DOCK4: variants seen among roughly 807,000 people sequenced by gnomAD.
The protein encoded by DOCK4 is dedicator of cytokinesis 4.
In DOCK4, 97 loss-of-function variants were observed where a neutral mutation model predicts 268.1. The ratio of observed to expected loss-of-function variants is 0.36; its 90% confidence interval spans 0.31 to 0.43. DOCK4 has a LOEUF of 0.43. Ranked by LOEUF, DOCK4 falls within the 20% of genes least tolerant of loss-of-function variation. The probability of loss-of-function intolerance (pLI) is 1.00; values close to 1 mark genes in which losing one functional copy is unlikely to be tolerated. For missense variants in DOCK4, 2,145 were observed against 2,455.7 expected (o/e 0.87, Z 2.67); for synonymous variants, 954 against 887.2 (o/e 1.08, Z -1.34).
chr7:112,028,821 C>T (rs915394440), intron 1 of DOCK4, among the ~76,000 whole-genome samples: 4 of 152,190 alleles, frequency 2.6e-5, no homozygotes, highest in East Asian at 1.9e-4. Flanking sequence ...GTCCATTTCT[C>T]TCTCAGCGTT....
intron 8 of DOCK4, among the ~76,000 whole-genome samples, chr7:111,951,636 C>T (rs1320051989): frequency 6.8e-6 from 1 of 147,830 alleles, no homozygotes; most frequent in Non-Finnish European, 1.5e-5. Context: ...TATTGGAAAC[C>T]CCATCGCTAC....
In DOCK4 at chr7:111,999,770, GAATTA is replaced by G. The variant is rs1356370214; in HGVS notation, c.162+719_162+723del. Among the ~76,000 whole-genome samples the G allele has an allele frequency of 6.5e-5, 8 of 122,792 alleles. No individual in the cohort carries two copies. In the East Asian group the frequency reaches 2.2e-3, roughly 33 times the overall value. The allele number at this position is 122,792 out of a possible 152,430, so 80.6% of individuals were successfully genotyped here. Reference sequence around the variant, plus strand: ...TTTCTTATCTACAATCCCAAAGCTAGAATTAAACCAAAAAAAAAAATGACATATAT... The same window carrying G: ...TTTCTTATCTACAATCCCAAAGCTAGAACCAAAAAAAAAAATGACATATAT... On this transcript the variant is annotated intron_variant, in intron 3 of 52. Transcript: ENST00000428084.
intron 1 of DOCK4, among the ~76,000 whole-genome samples, chr7:112,140,218 C>T (rs1814771717): frequency 6.6e-6 from 1 of 152,062 alleles, no homozygotes; most frequent in Admixed American, 6.6e-5. Context: ...AATAACAAAC[C>T]AACTAACACA....
chr7:111,941,157 G>A (rs1041062560), intron 10 of DOCK4, among the ~76,000 whole-genome samples: 2 of 152,140 alleles, frequency 1.3e-5, no homozygotes, highest in African/African-American at 2.4e-5. Context: ...AACACAGCCC[G>A]AAAACCTCTT....
In DOCK4 at chr7:111,878,590, C is replaced by T. The variant is rs1807110169; in HGVS notation, c.1588-1404G>A. On this transcript the variant is annotated intron_variant, in intron 16 of 52. Coordinates refer to ENST00000428084, the MANE Select transcript of DOCK4 (RefSeq NM_001363540.2). ...CAGTTCTGAATCTCCAACGTCCTCT[C>T]CCATCTCCCACCCCTCCCCCATCCC... 2.0e-5 allele frequency among the ~76,000 whole-genome samples: 3 copies of T among 152,302 alleles called. No individual in the cohort carries two copies. In the South Asian group the frequency reaches 6.2e-4, roughly 32 times the overall value.
intron 16 of DOCK4, among the ~76,000 whole-genome samples, chr7:111,880,190 A>G (rs757196412): frequency 2.6e-5 from 4 of 152,230 alleles, no homozygotes; most frequent in Non-Finnish European, 5.9e-5. Flanking sequence ...CAGCAAAAGA[A>G]AAGAAACAAG....
At chr7:112,070,357 C>G (rs1807473901) in intron 1 of DOCK4, among the ~76,000 whole-genome samples, 1 of 152,064 alleles carries the variant, frequency 6.6e-6, no homozygotes, top group Non-Finnish European at 1.5e-5. Flanking sequence ...ATGCCATTCA[C>G]TGAGAGTAAC....
Position 112,193,538 on chromosome 7 carries a change from G to A in DOCK4, c.37+12564C>T, listed in dbSNP as rs142760117. 5.7e-3 allele frequency among the ~76,000 whole-genome samples: 858 copies of A among 151,212 alleles called. 8 individuals are homozygous for A. Among genetic ancestry groups the A allele is most frequent in the Admixed American group, 0.015 (223 of 15,084 alleles). ...CACTTCAGCCTGAGAGATCAAGGCT[G>A]CAGTGAGCCATGATCACACCACTGC... On this transcript the variant is annotated intron_variant, in intron 1 of 52. Coordinates refer to ENST00000428084, the MANE Select transcript of DOCK4 (RefSeq NM_001363540.2).
intron 2 of DOCK4, among the ~76,000 whole-genome samples, chr7:112,001,363 C>G (rs1317122681): frequency 2.6e-5 from 4 of 152,148 alleles, no homozygotes; most frequent in Non-Finnish European, 5.9e-5. Flanking sequence ...CAGTTCCACC[C>G]AGGACATGAA....
At chr7:112,136,615 A>G (rs1161620571) in intron 1 of DOCK4, among the ~76,000 whole-genome samples, 1 of 152,216 alleles carries the variant, frequency 6.6e-6, no homozygotes, top group African/African-American at 2.4e-5. Flanking sequence ...CTGGAGTTCA[A>G]GGTCAAATGT....
Position 111,975,024 on chromosome 7 carries a change from TGGGAGGCCAA to T in DOCK4, c.701+2098_701+2107del, listed in dbSNP as rs113249137. Among the ~76,000 whole-genome samples, 601 of 152,292 alleles carry T rather than the reference TGGGAGGCCAA, an allele frequency of 3.9e-3. 5 individuals carry two copies. The highest frequency in any genetic ancestry group is 0.014 in the African/African-American group (570 of 41,570). On this transcript the variant is annotated intron_variant, in intron 8 of 52. Coordinates refer to ENST00000428084, the MANE Select transcript of DOCK4 (RefSeq NM_001363540.2). ...CTCATGCCTATAATCCCCAGCACTTTGGGAGGCCAAGGCGGGGGGATCACTTGAGGCCAGG... is the reference window on the plus strand; with the variant it reads ...CTCATGCCTATAATCCCCAGCACTTTGGCGGGGGGATCACTTGAGGCCAGG...
intron 38 of DOCK4, among the ~76,000 whole-genome samples, chr7:111,766,019 T>C (rs1431688419): frequency 6.6e-6 from 1 of 152,172 alleles, no homozygotes; most frequent in African/African-American, 2.4e-5. Context: ...CCAAGGGCTC[T>C]CACAAGTAAA....
intron 1 of DOCK4, among the ~76,000 whole-genome samples, chr7:112,013,596 T>C (rs1425715991): frequency 6.6e-6 from 1 of 152,226 alleles, no homozygotes; most frequent in South Asian, 2.1e-4. Flanking sequence ...CCACTTGACA[T>C]GTGGGCCTCT....
intron 12 of DOCK4, among the ~76,000 whole-genome samples, chr7:111,927,930 A>G (rs1793865832): frequency 6.6e-6 from 1 of 152,170 alleles, no homozygotes; most frequent in African/African-American, 2.4e-5. Flanking sequence ...CTGAAAACAA[A>G]GTGTTGCAGA....
intron 30 of DOCK4, among the ~76,000 whole-genome samples, chr7:111,797,951 A>C (rs75691820): frequency 0.049 from 7,491 of 152,306 alleles, 235 homozygotes; most frequent in Middle Eastern, 0.085. Flanking sequence ...AGCACCTTAG[A>C]AAGTCTCCTA....
At chr7:111,780,079 C>T (rs1272751640) in intron 35 of DOCK4, among the ~76,000 whole-genome samples, 1 of 152,140 alleles carries the variant, frequency 6.6e-6, no homozygotes, top group East Asian at 1.9e-4. Flanking sequence ...GATTAGTAGA[C>T]AGGGCTTTGG....
chr7:111,896,498 T>C (rs560954647), intron 15 of DOCK4, among the ~76,000 whole-genome samples: 1 of 151,366 alleles, frequency 6.6e-6, no homozygotes, highest in Non-Finnish European at 1.5e-5. Flanking sequence ...TTTTTTTTTT[T>C]TTTTTTTTCC....
intron 8 of DOCK4, among the ~76,000 whole-genome samples, chr7:111,976,209 T>TGC (rs58383974): frequency 0.055 from 4,595 of 83,552 alleles, 701 homozygotes; most frequent in Non-Finnish European, 0.065. Context: ...CGCACATATG[T>TGC]GTGTGTGTGT....
At chr7:111,932,052 G>C (rs1353898668) in intron 12 of DOCK4, among the ~76,000 whole-genome samples, 1 of 152,182 alleles carries the variant, frequency 6.6e-6, no homozygotes, top group African/African-American at 2.4e-5. Flanking sequence ...TTATGTTAGA[G>C]TCTATCTAGA....
Sources: allele counts gnomAD v4.1 joint callset (sites outside exome capture counted in the v4.1 genomes callset), GRCh38; gene constraint gnomAD v4.1.1; transcripts MANE v1.5; gene names NCBI Gene and HGNC (gene_info 2026-07-23, HGNC 2026-07-21).